FRMD5: variants seen among roughly 807,000 people sequenced by gnomAD.
The protein encoded by FRMD5 is FERM domain containing 5, also known as FERM domain-containing protein 5.
FRMD5 carries 20 observed loss-of-function variants against 69.0 expected under a neutral mutation model. The ratio of observed to expected loss-of-function variants is 0.29; its 90% confidence interval spans 0.20 to 0.42. FRMD5 has a LOEUF of 0.42. Ranked by LOEUF, FRMD5 falls within the 10% of genes least tolerant of loss-of-function variation. The pLI is 1.00. For synonymous variants in FRMD5, 271 were observed against 260.1 expected, an observed-to-expected ratio of 1.04 and a Z score of -0.40; for missense variants, 595 against 708.6, an observed-to-expected ratio of 0.84 and a Z score of 1.82.
chr15:44,138,525 C>T (rs1376528160), intron 1 of FRMD5, among the ~76,000 whole-genome samples: 2 of 152,284 alleles, frequency 1.3e-5, no homozygotes, highest in South Asian at 2.1e-4. Context: ...AAAGAACTCT[C>T]AAGCTAGGAT....
chr15:44,046,180 C>T (rs1053729141), intron 1 of FRMD5, among the ~76,000 whole-genome samples: 2 of 152,150 alleles, frequency 1.3e-5, no homozygotes, highest in South Asian at 2.1e-4. Context: ...GGAGTGATGT[C>T]GTAGTCTTCC....
chr15:44,106,566 C>T (rs1288995580), intron 1 of FRMD5, among the ~76,000 whole-genome samples: 1 of 152,142 alleles, frequency 6.6e-6, no homozygotes, highest in African/African-American at 2.4e-5. Context: ...CAGTGGTCAC[C>T]TCCTCTAGGA....
At chr15:44,191,735 C>A (rs147919373) in intron 1 of FRMD5, among the ~76,000 whole-genome samples, 2,204 of 151,626 alleles carry the variant, frequency 0.015, 21 homozygotes, top group South Asian at 0.024. Flanking sequence ...ATAGCAAGAT[C>A]CCGTTTCTTA....
intron 1 of FRMD5, among the ~76,000 whole-genome samples, chr15:44,149,831 G>A (rs937666187): frequency 5.3e-5 from 8 of 152,050 alleles, no homozygotes; most frequent in African/African-American, 1.9e-4. Flanking sequence ...TAATAGCAAA[G>A]CAAAGACAGT....
In FRMD5 at chr15:43,905,961, G is replaced by A. The variant is rs369090264; in HGVS notation, c.428-10C>T. 6.2e-6 allele frequency: 10 copies of A among 1,614,162 alleles called. No homozygotes were observed. In the African/African-American group the frequency reaches 8.0e-5, roughly 13 times the overall value. ...TAATCCCCAATCTCCGCTTTCAAAAGGAAGGTGGAAGAAAACAATTGTGGA... is the reference window on the plus strand; with the variant it reads ...TAATCCCCAATCTCCGCTTTCAAAAAGAAGGTGGAAGAAAACAATTGTGGA... On this transcript the variant is annotated splice_polypyrimidine_tract_variant and intron_variant, in intron 5 of 13. Transcript: ENST00000417257.
At chr15:44,063,973 A>T in intron 1 of FRMD5, 1 of 238,072 alleles carries the variant, frequency 4.2e-6, no homozygotes, top group Non-Finnish European at 8.4e-6. Flanking sequence ...CTGTACCACC[A>T]ATTGCTCAGT....
At position 44,133,192 on chromosome 15, in the gene FRMD5, G is replaced by A. The variant is rs541936323; in HGVS notation, c.102+61761C>T. On this transcript the variant is annotated intron_variant, in intron 1 of 13. Transcript: ENST00000417257. The stretch of plus-strand genomic sequence containing the variant: ...TCGCGCCACTGCACTCCAGCCTGGC[G>A]ACACTGCGAGACTCCGTCTCAAAAA... Among the ~76,000 whole-genome samples the A allele has an allele frequency of 8.0e-5, 12 of 150,242 alleles. No individual in the cohort carries two copies. The South Asian group carries it at 1.5e-3, about 18-fold the overall frequency.
intron 7 of FRMD5, among the ~76,000 whole-genome samples, chr15:43,896,386 CT>C (rs2088911981): frequency 6.6e-6 from 1 of 152,250 alleles, no homozygotes; most frequent in Non-Finnish European, 1.5e-5. Flanking sequence ...AGAAATACTA[CT>C]TCCATCTGAT....
intron 1 of FRMD5, among the ~76,000 whole-genome samples, chr15:44,104,274 A>G (rs918327173): frequency 2.0e-5 from 3 of 152,248 alleles, no homozygotes; most frequent in African/African-American, 7.2e-5. Flanking sequence ...ATTTTAAGCT[A>G]GGTGTTATTA....
chr15:43,892,997 A>G (rs1017540445), intron 7 of FRMD5, among the ~76,000 whole-genome samples: 1 of 151,996 alleles, frequency 6.6e-6, no homozygotes, highest in Non-Finnish European at 1.5e-5. Flanking sequence ...CCAGCTACTC[A>G]GGAGGCTGAG....
intron 1 of FRMD5, among the ~76,000 whole-genome samples, chr15:44,160,093 C>T (rs1483513808): frequency 2.6e-5 from 4 of 152,254 alleles, no homozygotes. Flanking sequence ...GTGGCTCACG[C>T]CCATAATCCC....
intron 7 of FRMD5, among the ~76,000 whole-genome samples, chr15:43,892,369 A>G (rs555059107): frequency 6.6e-6 from 1 of 152,348 alleles, no homozygotes; most frequent in South Asian, 2.1e-4. Context: ...CACCTCATGC[A>G]TTGCTGATGG....
intron 1 of FRMD5, among the ~76,000 whole-genome samples, chr15:44,028,025 A>G (rs1891514792): frequency 6.6e-6 from 1 of 152,212 alleles, no homozygotes; most frequent in African/African-American, 2.4e-5. Flanking sequence ...AAAGTCACAC[A>G]TTTAAGCCTA....
At chr15:43,964,998 T>C (rs531703611) in intron 1 of FRMD5, among the ~76,000 whole-genome samples, 1 of 152,278 alleles carries the variant, frequency 6.6e-6, no homozygotes, top group East Asian at 1.9e-4. Context: ...GACTGAGCTA[T>C]GGTTTGGATT....
intron 1 of FRMD5, among the ~76,000 whole-genome samples, chr15:43,926,386 A>C (rs1195950262): frequency 6.6e-6 from 1 of 152,196 alleles, no homozygotes; most frequent in Non-Finnish European, 1.5e-5. Context: ...TCTGTAGTGT[A>C]GTGGTTATCA....
Position 43,898,457 on chromosome 15 carries a change from C to G in FRMD5, c.639+3718G>C, listed in dbSNP as rs556582134. ...AGATTCAATGAGATAATGTACAAAGCTGGCACAGACAGACTCTCAATAAAT... is the reference window on the plus strand; with the variant it reads ...AGATTCAATGAGATAATGTACAAAGGTGGCACAGACAGACTCTCAATAAAT... On this transcript the variant is annotated intron_variant, in intron 7 of 13. Coordinates refer to ENST00000417257, the MANE Select transcript of FRMD5 (RefSeq NM_032892.5). 2.6e-4 allele frequency among the ~76,000 whole-genome samples: 40 copies of G among 152,302 alleles called. 1 individual carries two copies. The South Asian group carries it at 7.9e-3, about 30-fold the overall frequency.
In FRMD5 at chr15:43,902,164, G is replaced by A. The variant is rs1355168020; in HGVS notation, c.639+11C>T. 5 of 1,606,694 alleles carry A rather than the reference G, an allele frequency of 3.1e-6. No individual in the cohort carries two copies. The highest frequency in any genetic ancestry group is 3.4e-6 in the Non-Finnish European group (4 of 1,173,296). The stretch of plus-strand genomic sequence containing the variant: ...GGAAAGGTCATGCAGTCTCCAACCA[G>A]GGGGTCTTACCTTACATGGGTGAGG... On this transcript the variant is annotated intron_variant, in intron 7 of 13. Coordinates refer to ENST00000417257, the MANE Select transcript of FRMD5 (RefSeq NM_032892.5).
intron 1 of FRMD5, among the ~76,000 whole-genome samples, chr15:44,081,703 C>T (rs1680000799): frequency 6.6e-6 from 1 of 152,022 alleles, no homozygotes; most frequent in African/African-American, 2.4e-5. Context: ...AAATTCTGAA[C>T]TGACATTTTG....
intron 1 of FRMD5, among the ~76,000 whole-genome samples, chr15:44,036,096 G>T (rs866230849): frequency 5.9e-5 from 9 of 152,250 alleles, no homozygotes; most frequent in South Asian, 2.1e-4. Context: ...TCCTAACGCA[G>T]CATTGCCCAT....
Sources: allele counts gnomAD v4.1 joint callset (sites outside exome capture counted in the v4.1 genomes callset), GRCh38; gene constraint gnomAD v4.1.1; transcripts MANE v1.5; gene names NCBI Gene and HGNC (gene_info 2026-07-23, HGNC 2026-07-21).